The following OLA1 variants were observed in gnomAD, a reference collection of about 807,000 sequenced individuals.
The protein encoded by OLA1 is obg-like ATPase 1.
A neutral mutation model predicts 48.4 loss-of-function variants in OLA1; 14 were observed. The observed-to-expected ratio is 0.29, with a 90% CI of 0.19 to 0.45. OLA1 has a LOEUF of 0.45. Ranked by LOEUF, OLA1 falls within the 20% of genes least tolerant of loss-of-function variation. The pLI is 1.00. For missense variants in OLA1, 325 were observed against 467.1 expected (o/e 0.70, Z 2.80); for synonymous variants, 127 against 150.4 (o/e 0.84, Z 1.14).
At chr2:174,142,259 T>A (rs1232499447) in intron 4 of OLA1, among the ~76,000 whole-genome samples, 1 of 152,170 alleles carries the variant, frequency 6.6e-6, no homozygotes, top group Non-Finnish European at 1.5e-5. Context: ...AACAAAATTA[T>A]GTTCTAGAAC....
intron 4 of OLA1, among the ~76,000 whole-genome samples, chr2:174,162,957 T>C (rs1041481237): frequency 6.6e-5 from 10 of 152,096 alleles, no homozygotes; most frequent in East Asian, 5.8e-4. Flanking sequence ...AGGTGGAGAA[T>C]TGATTGAGCC....
rs1198973448 is a variant in OLA1, at chr2:174,141,820, C to T, written c.549+5G>A. 6.3e-7 allele frequency: 1 copy of T among 1,579,878 alleles called. No homozygotes were observed. The highest frequency in any genetic ancestry group is 8.6e-7 in the Non-Finnish European group (1 of 1,168,910). On this transcript the variant is annotated splice_donor_5th_base_variant and intron_variant, in intron 5 of 10. Coordinates refer to ENST00000284719, the MANE Select transcript of OLA1 (RefSeq NM_013341.5). ...TATCTAAAGAAGCTGTAAATTTTTA[C>T]TTACATATTCAGGTTTTAGTTTTTT...
intron 4 of OLA1, among the ~76,000 whole-genome samples, chr2:174,149,008 C>T (rs1474824287): frequency 1.3e-5 from 2 of 152,174 alleles, no homozygotes; most frequent in Non-Finnish European, 2.9e-5. Flanking sequence ...TCACCCTGGA[C>T]GTTAATTTCT....
At chr2:174,149,787 C>T (rs1686702416) in intron 4 of OLA1, among the ~76,000 whole-genome samples, 1 of 152,138 alleles carries the variant, frequency 6.6e-6, no homozygotes, top group African/African-American at 2.4e-5. Flanking sequence ...CTCATTCACT[C>T]AAGGCCTGTT....
At chr2:174,155,433 G>C (rs116827227) in intron 4 of OLA1, among the ~76,000 whole-genome samples, 290 of 152,328 alleles carry the variant, frequency 1.9e-3, no homozygotes, top group African/African-American at 6.6e-3. Flanking sequence ...AAGACATTTA[G>C]TGAGCATTTC....
chr2:174,174,850 A>G (rs1687386358), intron 4 of OLA1, among the ~76,000 whole-genome samples: 2 of 152,066 alleles, frequency 1.3e-5, no homozygotes, highest in Non-Finnish European at 2.9e-5. Flanking sequence ...CAGAAGACCT[A>G]CACTATCTAA....
At chr2:174,127,074 T>A (rs576806005) in intron 5 of OLA1, among the ~76,000 whole-genome samples, 1 of 152,326 alleles carries the variant, frequency 6.6e-6, no homozygotes, top group African/African-American at 2.4e-5. Context: ...GAGCTTCACA[T>A]TTAAAATTAG....
At chr2:174,099,850 T>A (rs1320960309) in intron 7 of OLA1, among the ~76,000 whole-genome samples, 1 of 152,210 alleles carries the variant, frequency 6.6e-6, no homozygotes, top group East Asian at 1.9e-4. Context: ...TAAATTTTGT[T>A]CCCAGTGGAG....
chr2:174,247,626 C>G (rs1689155097), intron 1 of OLA1: 1 of 1,549,666 alleles, frequency 6.5e-7, no homozygotes, highest in African/African-American at 1.4e-5. Flanking sequence ...CTTATCTTTC[C>G]CATTCGCCCA....
intron 7 of OLA1, among the ~76,000 whole-genome samples, chr2:174,084,003 G>T (rs1684915186): frequency 6.6e-6 from 1 of 152,114 alleles, no homozygotes; most frequent in South Asian, 2.1e-4. Flanking sequence ...TTCTCAGAGG[G>T]ATTATTTGCA....
At chr2:174,123,144 G>A (rs1279997720) in intron 7 of OLA1, 36 bp downstream of exon 7, 1 of 916,312 alleles carries the variant, frequency 1.1e-6, no homozygotes, top group Non-Finnish European at 1.8e-6. Flanking sequence ...GTACAGAGAT[G>A]ATGCATCTGG....
intron 7 of OLA1, among the ~76,000 whole-genome samples, chr2:174,122,161 A>G (rs1421063011): frequency 6.6e-6 from 1 of 152,200 alleles, no homozygotes; most frequent in East Asian, 1.9e-4. Flanking sequence ...ATTACCAATA[A>G]AGAGGCTAAA....
intron 4 of OLA1, among the ~76,000 whole-genome samples, chr2:174,201,661 C>T (rs534579228): frequency 6.6e-5 from 10 of 152,230 alleles, no homozygotes; most frequent in Admixed American, 1.3e-4. Context: ...AATAGTACTG[C>T]GTACTTCATG....
At chr2:174,134,272 C>T (rs1244629834) in intron 5 of OLA1, among the ~76,000 whole-genome samples, 1 of 151,834 alleles carries the variant, frequency 6.6e-6, no homozygotes, top group Non-Finnish European at 1.5e-5. Context: ...TTTTTCTTTC[C>T]CCAGAGAAAG....
At chr2:174,146,373 G>T (rs921073389) in intron 4 of OLA1, among the ~76,000 whole-genome samples, 3 of 152,320 alleles carry the variant, frequency 2.0e-5, no homozygotes, top group South Asian at 4.1e-4. Context: ...AATGACTGCA[G>T]ACAAAGTTAG....
At chr2:174,248,260 G>A (rs1002324594) in intron 1 of OLA1, 192 bp downstream of exon 1, 1 of 155,582 alleles carries the variant, frequency 6.4e-6, no homozygotes, top group Admixed American at 6.3e-5. Context: ...TTTCCCGCGT[G>A]AGGCGTAGGC....
intron 2 of OLA1, among the ~76,000 whole-genome samples, chr2:174,231,665 G>A (rs115898288): frequency 1.9e-3 from 291 of 152,128 alleles, no homozygotes; most frequent in African/African-American, 6.7e-3. Context: ...ACTAAACTTA[G>A]AAGACAAATA....
chr2:174,131,541 T>G (rs555623436), intron 5 of OLA1, among the ~76,000 whole-genome samples: 1 of 152,262 alleles, frequency 6.6e-6, no homozygotes, highest in South Asian at 2.1e-4. Flanking sequence ...GCTAATAAAT[T>G]TTCAAAAGCA....
chr2:174,123,227 G>A lies in OLA1; in HGVS notation c.681C>T (p.Tyr227=), dbSNP rs772325959. The stretch of plus-strand genomic sequence containing the variant: ...AGTCTTTTTCAGAAAGATTAACCAA[G>A]TAGACCATTGGTTTTGAAGTCAAAA... The part of the protein sequence containing the change: ...HLFLTSKPMV[Y]LVNLSEKDYI... Residue 227 remains tyrosine, a synonymous_variant, in exon 7 of 11, where the codon TAC becomes TAT. Transcript: ENST00000284719. 1 of 1,577,252 alleles carries A rather than the reference G, an allele frequency of 6.3e-7. No individual in the cohort carries two copies.
Sources: gnomAD v4.1 joint callset for allele counts (sites outside exome capture counted in the v4.1 genomes callset) on GRCh38, gnomAD v4.1.1 for gene constraint, MANE v1.5 for transcripts, NCBI Gene and HGNC (gene_info 2026-07-23, HGNC 2026-07-21) for gene names.